Variants in CBFA2T2 observed in about 807,000 individuals in gnomAD.
The protein encoded by CBFA2T2 is protein CBFA2T2.
A neutral mutation model predicts 62.2 loss-of-function variants in CBFA2T2; 11 were observed. The observed-to-expected ratio is 0.18, with a 90% CI of 0.11 to 0.29. CBFA2T2 has a LOEUF of 0.29. CBFA2T2 is among the 10% of genes least tolerant of loss of function. The probability of loss-of-function intolerance (pLI) is 1.00; values close to 1 mark genes in which losing one functional copy is unlikely to be tolerated. For missense variants in CBFA2T2, 592 were observed against 774.1 expected (o/e 0.76, Z 2.79); for synonymous variants, 295 against 287.5 (o/e 1.03, Z -0.27).
chr20:33,490,987 G>T (rs1436827610), intron 1 of CBFA2T2, among the ~76,000 whole-genome samples: 2 of 152,162 alleles, frequency 1.3e-5, no homozygotes, highest in African/African-American at 4.8e-5. Context: ...CCGAAATTAG[G>T]CTCTAGCCGT....
chr20:33,634,928 A>T (rs1256849833), intron 8 of CBFA2T2, among the ~76,000 whole-genome samples: 1 of 152,194 alleles, frequency 6.6e-6, no homozygotes, highest in Non-Finnish European at 1.5e-5. Context: ...GGGAAAAGAA[A>T]ACTACCAATA....
Position 33,595,242 on chromosome 20 carries a change from C to T in CBFA2T2, c.35-11714C>T, listed in dbSNP as rs144969001. ...AAATTTTTTTTTTGAGTCGGAGTCTCACTTTGTTGCCCAGGCTGGAGTGCA... is the reference window on the plus strand; with the variant it reads ...AAATTTTTTTTTTGAGTCGGAGTCTTACTTTGTTGCCCAGGCTGGAGTGCA... On this transcript the variant is annotated intron_variant, in intron 1 of 10. Coordinates refer to ENST00000342704, the MANE Select transcript of CBFA2T2 (RefSeq NM_001032999.3). Among the ~76,000 whole-genome samples, 454 of 152,214 alleles carry T rather than the reference C, an allele frequency of 3.0e-3. 15 individuals carry two copies. In the East Asian group the frequency reaches 0.079, roughly 26 times the overall value.
chr20:33,640,726 AT>A (rs141209469), intron 10 of CBFA2T2, among the ~76,000 whole-genome samples, 195 bp downstream of exon 10: 3,612 of 152,196 alleles, frequency 0.024, 83 homozygotes, highest in East Asian at 0.073. Flanking sequence ...GAATTATTAC[AT>A]TGTATTTTTA....
chr20:33,598,148 G>A (rs1225707575), intron 1 of CBFA2T2, among the ~76,000 whole-genome samples: 1 of 152,072 alleles, frequency 6.6e-6, no homozygotes, highest in Admixed American at 6.5e-5. Context: ...CACAGGACCA[G>A]GCAAAATTAA....
rs751062237 is a variant in CBFA2T2, at chr20:33,624,917, TCAG to T, written c.849_851del (p.Gln283del). ...AATTCCATCCTACCCCTCCACCTCT[TCAG>T]CATTACACCTTAGAGGATATTGCAA... On this transcript the variant is annotated inframe_deletion, in exon 6 of 11. Coordinates refer to ENST00000342704, the MANE Select transcript of CBFA2T2 (RefSeq NM_001032999.3). 1 of 1,614,076 alleles carries T rather than the reference TCAG, an allele frequency of 6.2e-7. No individual in the cohort carries two copies. The highest frequency in any genetic ancestry group is 1.1e-5 in the South Asian group (1 of 91,074).
chr20:33,619,669 G>C (rs2015857685), intron 4 of CBFA2T2, 63 bp downstream of exon 4: 1 of 1,224,446 alleles, frequency 8.2e-7, no homozygotes, highest in Non-Finnish European at 1.2e-6. Flanking sequence ...GCTAATCCCT[G>C]TTACGTGATT....
intron 10 of CBFA2T2, among the ~76,000 whole-genome samples, chr20:33,643,284 A>G (rs138743160): frequency 1.2e-3 from 180 of 152,296 alleles, no homozygotes; most frequent in African/African-American, 4.1e-3. Flanking sequence ...TTGGTCTGAT[A>G]GTTATTAGGG....
intron 1 of CBFA2T2, among the ~76,000 whole-genome samples, chr20:33,535,623 CT>C (rs921017430): frequency 9.5e-4 from 112 of 117,392 alleles, no homozygotes; most frequent in East Asian, 4.7e-3. Flanking sequence ...TTTATTTTTT[CT>C]TTTTTTTTTT....
At chr20:33,537,250 C>T (rs956687749) in intron 1 of CBFA2T2, among the ~76,000 whole-genome samples, 13 of 152,240 alleles carry the variant, frequency 8.5e-5, no homozygotes, top group African/African-American at 1.9e-4. Flanking sequence ...CTCGCGAGGC[C>T]GAGGCTGGCG....
chr20:33,496,046 G>A, intron 1 of CBFA2T2, among the ~76,000 whole-genome samples: 1 of 152,180 alleles, frequency 6.6e-6, no homozygotes, highest in East Asian at 1.9e-4. Flanking sequence ...ATGATAAAGT[G>A]TTTTAAGTGC....
At chr20:33,622,070 T>C (rs926863587) in intron 4 of CBFA2T2, among the ~76,000 whole-genome samples, 15 of 152,258 alleles carry the variant, frequency 9.9e-5, no homozygotes, top group African/African-American at 3.6e-4. Context: ...TCTGACATGG[T>C]GTTTTTTTCA....
intron 3 of CBFA2T2, among the ~76,000 whole-genome samples, chr20:33,613,402 G>A (rs947792010): frequency 6.6e-6 from 1 of 152,226 alleles, no homozygotes; most frequent in African/African-American, 2.4e-5. Context: ...GGCATAGTAA[G>A]GAGACATAGT....
chr20:33,614,380 G>A (rs1339255246), intron 3 of CBFA2T2, among the ~76,000 whole-genome samples: 1 of 152,064 alleles, frequency 6.6e-6, no homozygotes, highest in Non-Finnish European at 1.5e-5. Flanking sequence ...AGCACCACAG[G>A]GTTAAGGAAT....
At chr20:33,576,052 G>T (rs545748392) in intron 1 of CBFA2T2, among the ~76,000 whole-genome samples, 37 of 152,234 alleles carry the variant, frequency 2.4e-4, no homozygotes, top group African/African-American at 8.9e-4. Flanking sequence ...CTCCCAAAGT[G>T]TTGGGATTAC....
intron 1 of CBFA2T2, among the ~76,000 whole-genome samples, chr20:33,520,808 C>T (rs1445058898): frequency 1.3e-5 from 2 of 151,850 alleles, no homozygotes; most frequent in South Asian, 4.2e-4. Context: ...AACTTTTCAA[C>T]GTTCAAACTA....
At chr20:33,573,601 C>T (rs991668787) in intron 1 of CBFA2T2, among the ~76,000 whole-genome samples, 1 of 152,068 alleles carries the variant, frequency 6.6e-6, no homozygotes, top group Non-Finnish European at 1.5e-5. Flanking sequence ...ACTGCCTCAG[C>T]CTCCCAAGTG....
intron 1 of CBFA2T2, among the ~76,000 whole-genome samples, chr20:33,552,794 GCTGA>G (rs1322179116): frequency 6.6e-6 from 1 of 152,124 alleles, no homozygotes; most frequent in East Asian, 1.9e-4. Flanking sequence ...GTCCATACAT[GCTGA>G]CTTCCTCCTG....
intron 1 of CBFA2T2, among the ~76,000 whole-genome samples, chr20:33,598,993 G>A (rs2015008376): frequency 6.7e-6 from 1 of 150,250 alleles, no homozygotes; most frequent in Admixed American, 6.6e-5. Context: ...AGGCATGGTG[G>A]CTTACGCCTG....
In CBFA2T2 at chr20:33,636,667, CAGG is replaced by C; in HGVS notation, c.1257_1259del (p.Gly420del). On this transcript the variant is annotated inframe_deletion, in exon 9 of 11. Coordinates refer to ENST00000342704, the MANE Select transcript of CBFA2T2 (RefSeq NM_001032999.3). ...TCTCAGAGAGAGTTCAACAGCAGGCCAGGTACAGGATACGTACCTGTGGAGTTT... is the reference window on the plus strand; with the variant it reads ...TCTCAGAGAGAGTTCAACAGCAGGCCTACAGGATACGTACCTGTGGAGTTT... 1 of 1,613,618 alleles carries C rather than the reference CAGG, an allele frequency of 6.2e-7. No individual in the cohort carries two copies. The highest frequency in any genetic ancestry group is 1.1e-5 in the South Asian group (1 of 91,032).
Sources: gnomAD v4.1 joint callset for allele counts (sites outside exome capture counted in the v4.1 genomes callset) on GRCh38, gnomAD v4.1.1 for gene constraint, MANE v1.5 for transcripts, NCBI Gene and HGNC (gene_info 2026-07-23, HGNC 2026-07-21) for gene names.